Variants in WASHC2C observed in about 807,000 individuals in gnomAD.
The protein encoded by WASHC2C is Vaccinia Penetration Factor.
Under a neutral mutation model 142.2 loss-of-function variants are expected in WASHC2C, and 73 were observed. The observed-to-expected ratio is 0.51, with a 90% confidence interval of 0.43 to 0.62. The LOEUF (loss-of-function observed/expected upper bound fraction) is 0.62, where lower values mean the gene tolerates loss of function less well. Ranked by LOEUF, WASHC2C falls within the 20% of genes least tolerant of loss-of-function variation. The probability of loss-of-function intolerance (pLI) is 0.00; values close to 1 mark genes in which losing one functional copy is unlikely to be tolerated. For synonymous variants in WASHC2C, 337 were observed against 565.5 expected (o/e 0.60, Z 5.73); for missense variants, 969 against 1,531.7 (o/e 0.63, Z 6.13).
At chr10:45,738,744 G>C (rs1341240111) in intron 4 of WASHC2C, among the ~76,000 whole-genome samples, 1 of 151,960 alleles carries the variant, frequency 6.6e-6, no homozygotes, top group Non-Finnish European at 1.5e-5. Context: ...TCACTCTGTT[G>C]CCCAGGCTGG....
chr10:45,747,877 G>A (rs1270303774), intron 8 of WASHC2C, among the ~76,000 whole-genome samples: 3 of 149,458 alleles, frequency 2.0e-5, no homozygotes, highest in Non-Finnish European at 3.0e-5. Context: ...GAGCCACCAC[G>A]CCCAGCCAAT....
At chr10:45,736,473 G>A (rs532814343) in intron 3 of WASHC2C, among the ~76,000 whole-genome samples, 210 of 139,112 alleles carry the variant, frequency 1.5e-3, no homozygotes, top group African/African-American at 4.1e-3. Flanking sequence ...GGTGGTGCAC[G>A]CCTGTAATCC....
At chr10:45,754,812 C>T (rs2054038701) in intron 14 of WASHC2C, 124 bp from the exon 15 acceptor site, 2 of 1,320,094 alleles carry the variant, frequency 1.5e-6, no homozygotes, top group Non-Finnish European at 2.1e-6. Flanking sequence ...GGCTATTGGG[C>T]CCTGTTATGC....
Position 45,791,073 on chromosome 10 carries a change from G to C in WASHC2C, c.3886+540G>C, listed in dbSNP as rs1472754113. 5.9e-5 allele frequency among the ~76,000 whole-genome samples: 9 copies of C among 152,086 alleles called. No homozygotes were observed. In the East Asian group the frequency reaches 1.5e-3, roughly 26 times the overall value. On this transcript the variant is annotated intron_variant, in intron 30 of 30. Coordinates refer to ENST00000623400, the MANE Select transcript of WASHC2C (RefSeq NM_001330074.2). ...ATATGGCACAACTTCTGCTTTATTA[G>C]TAGACAAGGCAAATGCCCGAGAACC...
At chr10:45,745,133 AT>A (rs1456799517) in intron 7 of WASHC2C, among the ~76,000 whole-genome samples, 8 of 148,938 alleles carry the variant, frequency 5.4e-5, no homozygotes, top group Non-Finnish European at 1.0e-4. Context: ...GCCACCAAAT[AT>A]CTCTTTCACC....
At chr10:45,790,632 A>T (rs1269371308) in intron 30 of WASHC2C, 99 bp downstream of exon 30, 1 of 1,548,542 alleles carries the variant, frequency 6.5e-7, no homozygotes, top group Non-Finnish European at 8.9e-7. Context: ...TGGAAAATGC[A>T]CCCCAGCGGG....
chr10:45,727,282 T>C lies in WASHC2C; in HGVS notation c.-36T>C, dbSNP rs1237949563. On this transcript the variant is annotated 5_prime_UTR_variant, in exon 1 of 31. Transcript: ENST00000623400. Reference sequence around the variant, plus strand: ...GGGCTCTGCGGTCCTCGGCCTGTGCTGGCAGCCTCGGAGCCCACCGAGCCG... The same window carrying C: ...GGGCTCTGCGGTCCTCGGCCTGTGCCGGCAGCCTCGGAGCCCACCGAGCCG... 5.8e-6 allele frequency: 9 copies of C among 1,553,006 alleles called. No individual in the cohort carries two copies. The highest frequency in any genetic ancestry group is 2.0e-5 in the Admixed American group (1 of 50,876).
chr10:45,772,331 A>C (rs2056672951), intron 20 of WASHC2C, among the ~76,000 whole-genome samples: 1 of 152,054 alleles, frequency 6.6e-6, no homozygotes, highest in South Asian at 2.1e-4. Context: ...GATATTGCAC[A>C]ACTCGATGAG....
At chr10:45,752,454 C>T (rs2053720282) in intron 11 of WASHC2C, 134 bp from the exon 12 acceptor site, 2 of 736,440 alleles carry the variant, frequency 2.7e-6, no homozygotes, top group Admixed American at 2.0e-5. Flanking sequence ...ATTCATCAGA[C>T]TGCCTCACAC....
In WASHC2C at chr10:45,789,133, C is replaced by G; in HGVS notation, c.3350C>G (p.Ala1117Gly). The G allele has an allele frequency of 6.2e-7, 1 of 1,612,066 alleles. No individual in the cohort carries two copies. Among genetic ancestry groups the G allele is most frequent in the Non-Finnish European group, 8.5e-7 (1 of 1,179,874 alleles). ...CCTGGAGTGGACACAAGCCCCTTTGCAAAGTCTCTGGGTCATTCCAGAGGG... is the reference window on the plus strand; with the variant it reads ...CCTGGAGTGGACACAAGCCCCTTTGGAAAGTCTCTGGGTCATTCCAGAGGG... ...PVPGVDTSPFAKSLGHSRGEA... is the reference protein window; with the variant it reads ...PVPGVDTSPFGKSLGHSRGEA... The change falls in exon 29 of 31, where the codon GCA becomes GGA. Residue 1117 changes from alanine (A) to glycine (G), a missense_variant. Coordinates refer to ENST00000623400, the MANE Select transcript of WASHC2C (RefSeq NM_001330074.2).
At chr10:45,766,989 G>A (rs1321982171) in intron 19 of WASHC2C, among the ~76,000 whole-genome samples, 2 of 152,126 alleles carry the variant, frequency 1.3e-5, no homozygotes, top group Admixed American at 6.5e-5. Flanking sequence ...TTATGCGGCC[G>A]GGCGTGGTAG....
At chr10:45,742,269 A>T (rs1410168399) in intron 5 of WASHC2C, among the ~76,000 whole-genome samples, 2 of 152,354 alleles carry the variant, frequency 1.3e-5, no homozygotes, top group Middle Eastern at 3.4e-3. Flanking sequence ...TGGAACCACT[A>T]GGGGGTATTG....
intron 13 of WASHC2C, among the ~76,000 whole-genome samples, 153 bp downstream of exon 13, chr10:45,753,390 T>A (rs1316388629): frequency 2.7e-5 from 4 of 146,488 alleles, no homozygotes; most frequent in African/African-American, 1.1e-4. Flanking sequence ...GTAATTCATC[T>A]TCACTAATTC....
intron 8 of WASHC2C, 52 bp downstream of exon 8, chr10:45,746,699 A>C (rs1307706889): frequency 2.4e-5 from 38 of 1,598,278 alleles, no homozygotes; most frequent in Admixed American, 1.8e-4. Context: ...ATTGAAGCAT[A>C]GTATATATAC....
chr10:45,752,479 T>G, intron 11 of WASHC2C, 109 bp from the exon 12 acceptor site: 1 of 842,376 alleles, frequency 1.2e-6, no homozygotes, highest in Non-Finnish European at 2.0e-6. Context: ...TTAAATAGTG[T>G]CAGATAAACT....
upstream of WASHC2C, chr10:45,727,082 C>T (rs536887462): frequency 1.2e-3 from 1,630 of 1,318,916 alleles, 8 homozygotes; most frequent in Middle Eastern, 0.012. Flanking sequence ...AGCCCCTATC[C>T]TCCAGCTTCC....
intron 16 of WASHC2C, among the ~76,000 whole-genome samples, chr10:45,757,860 A>G (rs1334608604): frequency 6.6e-6 from 1 of 152,218 alleles, no homozygotes. Flanking sequence ...CTTGCTGCTC[A>G]CCTCACCTCC....
intron 7 of WASHC2C, among the ~76,000 whole-genome samples, chr10:45,745,991 A>G (rs1316371706): frequency 2.6e-5 from 3 of 114,470 alleles, no homozygotes; most frequent in South Asian, 3.5e-4. Context: ...TCATTGTTCA[A>G]TTCCCACCTA....
chr10:45,727,506 C>T lies in WASHC2C; in HGVS notation c.93C>T (p.Ser31=), dbSNP rs1564678284. The T allele has an allele frequency of 1.2e-6, 2 of 1,602,240 alleles. No individual in the cohort carries two copies. The highest frequency in any genetic ancestry group is 1.7e-6 in the Non-Finnish European group (2 of 1,175,890). ...RPWSVEEIRR[S]SQSWSLAADA... is the part of the protein sequence containing the mutation. ...GGTCGGTGGAGGAGATCCGCAGGAG[C>T]AGCCAGAGCTGGTCGCTGGCGGCCG... The change falls in exon 2 of 31, where the codon AGC becomes AGT. Residue 31 remains serine (S), a synonymous_variant. Transcript: ENST00000623400.
Sources: gnomAD v4.1 joint callset for allele counts (sites outside exome capture counted in the v4.1 genomes callset) on GRCh38, gnomAD v4.1.1 for gene constraint, MANE v1.5 for transcripts, NCBI Gene and HGNC (gene_info 2026-07-23, HGNC 2026-07-21) for gene names.